FCHSD2: variants seen among roughly 807,000 people sequenced by gnomAD.
The protein encoded by FCHSD2 is FCH and double SH3 domains 2.
FCHSD2 carries 38 observed loss-of-function variants against 108.1 expected under a neutral mutation model. The ratio of observed to expected loss-of-function variants is 0.35; its 90% CI spans 0.27 to 0.46. FCHSD2 has a LOEUF of 0.46. Among genes scored for constraint, FCHSD2 ranks in the 20% least tolerant of loss-of-function variants. FCHSD2 has a pLI of 1.00. For missense variants in FCHSD2, 751 were observed against 897.8 expected (o/e 0.84, Z 2.09); for synonymous variants, 279 against 314.7 (o/e 0.89, Z 1.20).
intron 3 of FCHSD2, among the ~76,000 whole-genome samples, chr11:73,049,145 G>T (rs1207734956): frequency 6.6e-6 from 1 of 152,110 alleles, no homozygotes; most frequent in Non-Finnish European, 1.5e-5. Context: ...AGTGGTTTTT[G>T]AGTTTGAGCT....
chr11:72,884,048 T>A (rs1313659418), intron 12 of FCHSD2, among the ~76,000 whole-genome samples: 2 of 151,812 alleles, frequency 1.3e-5, no homozygotes, highest in Non-Finnish European at 2.9e-5. Flanking sequence ...GAGGAAAGAA[T>A]CTTTATCATG....
At chr11:72,982,492 T>C (rs1266168849) in intron 8 of FCHSD2, among the ~76,000 whole-genome samples, 2 of 152,212 alleles carry the variant, frequency 1.3e-5, no homozygotes, top group Admixed American at 6.5e-5. Context: ...TGTTTGGGTT[T>C]TGGGAAAACA....
intron 3 of FCHSD2, among the ~76,000 whole-genome samples, chr11:73,016,166 G>C (rs923007316): frequency 3.3e-5 from 5 of 152,130 alleles, no homozygotes; most frequent in Non-Finnish European, 7.4e-5. Context: ...AGCCGGGTGT[G>C]GTAGCATGCG....
chr11:72,837,661 G>A lies in FCHSD2; in HGVS notation c.*1130C>T, dbSNP rs1374447615. On this transcript the variant is annotated 3_prime_UTR_variant, in exon 20 of 20. Coordinates refer to ENST00000409418, the MANE Select transcript of FCHSD2 (RefSeq NM_014824.3). Reference sequence around the variant, plus strand: ...ACACAGAAGACACTTGTCTTTTCCTGGTCAATCTGTACTTGTGCAGGGTGC... The same window carrying A: ...ACACAGAAGACACTTGTCTTTTCCTAGTCAATCTGTACTTGTGCAGGGTGC... 2 of 152,162 alleles carry A rather than the reference G, an allele frequency of 1.3e-5. No individual in the cohort carries two copies. Among genetic ancestry groups the A allele is most frequent in the Non-Finnish European group, 2.9e-5 (2 of 68,024 alleles). The allele number at this position is 152,162 out of a possible 1,614,324, so 9.4% of individuals were successfully genotyped here.
chr11:73,101,687 T>C (rs1860229365), intron 2 of FCHSD2, among the ~76,000 whole-genome samples: 1 of 152,014 alleles, frequency 6.6e-6, no homozygotes, highest in South Asian at 2.1e-4. Context: ...TCCTCCCACT[T>C]TGGCCTCCCA....
At chr11:73,012,576 G>A (rs1857885218) in intron 4 of FCHSD2, among the ~76,000 whole-genome samples, 1 of 152,072 alleles carries the variant, frequency 6.6e-6, no homozygotes, top group Admixed American at 6.6e-5. Context: ...ACTAAAATAA[G>A]CTCCAAATAA....
chr11:73,037,928 A>C (rs1858538597), intron 3 of FCHSD2, among the ~76,000 whole-genome samples: 1 of 152,180 alleles, frequency 6.6e-6, no homozygotes. Context: ...CCAATTTCAC[A>C]CTAAAGAGTG....
chr11:72,858,713 TGACAC>T (rs1055732813), intron 13 of FCHSD2, among the ~76,000 whole-genome samples: 1 of 152,120 alleles, frequency 6.6e-6, no homozygotes, highest in African/African-American at 2.4e-5. Context: ...AACCCCCCCA[TGACAC>T]AAGTTTACCT....
rs536366192 is a variant in FCHSD2 at position 73,126,147 on chromosome 11, C to T, written c.119+13884G>A. 5.3e-5 allele frequency among the ~76,000 whole-genome samples: 8 copies of T among 151,792 alleles called. No homozygotes were observed. The East Asian group carries it at 1.6e-3, about 29-fold the overall frequency. ...ACAAGGTCAGAAGTTCGAGACCAGG[C>T]TGGCCAACATGGTGAAATCCCATCT... is the stretch of plus-strand genomic sequence containing the variant. On this transcript the variant is annotated intron_variant, in intron 2 of 19. Coordinates refer to ENST00000409418, the MANE Select transcript of FCHSD2 (RefSeq NM_014824.3).
chr11:72,988,241 G>A (rs972127459), intron 6 of FCHSD2, among the ~76,000 whole-genome samples: 1 of 152,176 alleles, frequency 6.6e-6, no homozygotes, highest in Non-Finnish European at 1.5e-5. Flanking sequence ...TCTCACAGAT[G>A]TCTTCAGAGT....
intron 8 of FCHSD2, among the ~76,000 whole-genome samples, chr11:72,963,488 C>A (rs2135375691): frequency 6.6e-6 from 1 of 152,138 alleles, no homozygotes; most frequent in East Asian, 1.9e-4. Flanking sequence ...TTGCCTTGCT[C>A]AAAAAAACTT....
chr11:72,875,372 ATTAT>A (rs1213640625), intron 12 of FCHSD2, among the ~76,000 whole-genome samples: 1 of 152,156 alleles, frequency 6.6e-6, no homozygotes, highest in Non-Finnish European at 1.5e-5. Context: ...CTAGCTAGCT[ATTAT>A]TTATTTGACA....
At chr11:73,081,767 A>G (rs1199596100) in intron 3 of FCHSD2, among the ~76,000 whole-genome samples, 1 of 152,168 alleles carries the variant, frequency 6.6e-6, no homozygotes, top group African/African-American at 2.4e-5. Flanking sequence ...GTGTATTTGT[A>G]AAGGGCATCA....
chr11:72,923,588 T>C (rs1204835866), intron 8 of FCHSD2, among the ~76,000 whole-genome samples: 2 of 152,200 alleles, frequency 1.3e-5, no homozygotes, highest in South Asian at 2.1e-4. Flanking sequence ...ATGTGCTTAT[T>C]TGGCCATTTG....
At chr11:72,916,953 T>C (rs1220991133) in intron 9 of FCHSD2, among the ~76,000 whole-genome samples, 2 of 149,330 alleles carry the variant, frequency 1.3e-5, no homozygotes, top group African/African-American at 4.9e-5. Flanking sequence ...GTTCACAACT[T>C]CATTGAACTT....
At chr11:73,019,383 T>A (rs1858047467) in intron 3 of FCHSD2, among the ~76,000 whole-genome samples, 1 of 152,198 alleles carries the variant, frequency 6.6e-6, no homozygotes, top group African/African-American at 2.4e-5. Context: ...CGTAACTAGT[T>A]AGGTGTGAGC....
chr11:72,906,758 C>A (rs1855638451), intron 9 of FCHSD2, among the ~76,000 whole-genome samples: 1 of 152,232 alleles, frequency 6.6e-6, no homozygotes, highest in South Asian at 2.1e-4. Flanking sequence ...ATTTCTGAGG[C>A]ATTTGTTCTG....
chr11:72,997,908 C>T (rs1015417758), intron 5 of FCHSD2, among the ~76,000 whole-genome samples: 1 of 152,112 alleles, frequency 6.6e-6, no homozygotes, highest in African/African-American at 2.4e-5. Context: ...ACCATGTTGG[C>T]CAGGCTGATC....
intron 13 of FCHSD2, among the ~76,000 whole-genome samples, chr11:72,864,894 C>T (rs759226732): frequency 6.6e-6 from 1 of 152,150 alleles, no homozygotes; most frequent in Admixed American, 6.5e-5. Context: ...AGGCTCCAGA[C>T]ACCTGCAACT....
Sources: allele counts gnomAD v4.1 joint callset (sites outside exome capture counted in the v4.1 genomes callset), GRCh38; gene constraint gnomAD v4.1.1; transcripts MANE v1.5; gene names NCBI Gene and HGNC (gene_info 2026-07-23, HGNC 2026-07-21).